Variants in EFHC1 observed in about 807,000 individuals in gnomAD.
The protein encoded by EFHC1 is EF-hand domain containing 1.
EFHC1 carries 53 observed loss-of-function variants against 69.9 expected under a neutral mutation model. The observed-to-expected ratio is 0.76, with a 90% confidence interval of 0.61 to 0.95. The LOEUF is 0.95. EFHC1 is among the 40% of genes least tolerant of loss of function. EFHC1 has a pLI of 0.00. For synonymous variants in EFHC1, 256 were observed against 278.4 expected, an observed-to-expected ratio of 0.92 and a Z score of 0.80; for missense variants, 739 against 798.7, an observed-to-expected ratio of 0.93 and a Z score of 0.90.
rs534656136 is a variant in EFHC1, at chr6:52,489,118, A to T, written c.1641-1022A>T. On this transcript the variant is annotated intron_variant, in intron 9 of 10. Transcript: ENST00000371068. Reference sequence around the variant, plus strand: ...CAGGTAAAAGAGGGAAATAAGTTAAACAGAGGCTATTTGCAACAGTGAACT... The same window carrying T: ...CAGGTAAAAGAGGGAAATAAGTTAATCAGAGGCTATTTGCAACAGTGAACT... 4.6e-5 allele frequency: 7 copies of T among 152,366 alleles called. No homozygotes were observed. In the South Asian group the frequency reaches 1.2e-3, roughly 27 times the overall value. The allele number at this position is 152,366 out of a possible 1,614,324, so 9.4% of individuals were successfully genotyped here.
intron 2 of EFHC1, among the ~76,000 whole-genome samples, chr6:52,433,819 G>C (rs544825347): frequency 6.0e-4 from 91 of 152,144 alleles, no homozygotes; most frequent in Non-Finnish European, 1.2e-3. Flanking sequence ...AGATGTGTTT[G>C]AGCTCAGACT....
At position 52,465,124 on chromosome 6, in the gene EFHC1, A is replaced by T; in HGVS notation, c.1137+9A>T. 6.2e-7 allele frequency: 1 copy of T among 1,611,964 alleles called. No individual in the cohort carries two copies. The highest frequency in any genetic ancestry group is 8.5e-7 in the Non-Finnish European group (1 of 1,179,218). ...CACCTCCAGTAAAACAGGTAATCAG[A>T]TAGTACTTCTTAGTGTGGTGAGAAA... is the stretch of plus-strand genomic sequence containing the variant. On this transcript the variant is annotated intron_variant, in intron 6 of 10. Coordinates refer to ENST00000371068, the MANE Select transcript of EFHC1 (RefSeq NM_018100.4).
chr6:52,469,583 C>G (rs759677798), intron 7 of EFHC1, 110 bp downstream of exon 7: 1 of 1,480,980 alleles, frequency 6.8e-7, no homozygotes, highest in Non-Finnish European at 9.3e-7. Context: ...TATGTGTTGA[C>G]TCAACCAACC....
chr6:52,495,020 C>T lies in EFHC1; in HGVS notation c.*2679C>T, dbSNP rs188379710. Reference sequence around the variant, plus strand: ...GTGAGTTCTTAGAACTCTTTCCAACCGGAAACTGCCCAGTGCACCACTCTC... The same window carrying T: ...GTGAGTTCTTAGAACTCTTTCCAACTGGAAACTGCCCAGTGCACCACTCTC... On this transcript the variant is annotated 3_prime_UTR_variant, in exon 11 of 11. Coordinates refer to ENST00000371068, the MANE Select transcript of EFHC1 (RefSeq NM_018100.4). 9.1e-4 allele frequency: 413 copies of T among 454,064 alleles called. 1 individual carries two copies. Among genetic ancestry groups the T allele is most frequent in the African/African-American group, 6.2e-3 (313 of 50,108 alleles). 28.1% of individuals were successfully genotyped at this position (454,064 alleles called of 1,614,324 possible). A position where few individuals can be genotyped will look rare whatever the true frequency, so the allele number is the denominator to read the frequency against.
intron 5 of EFHC1, among the ~76,000 whole-genome samples, chr6:52,456,458 T>C (rs1161831745): frequency 1.3e-5 from 2 of 152,206 alleles, no homozygotes; most frequent in African/African-American, 4.8e-5. Context: ...TGAAACTAAA[T>C]CCCTTTAAAT....
At chr6:52,467,758 G>C (rs772825929) in intron 6 of EFHC1, among the ~76,000 whole-genome samples, 3 of 152,048 alleles carry the variant, frequency 2.0e-5, no homozygotes, top group African/African-American at 7.2e-5. Context: ...TTTCTTTCCC[G>C]TACTTTCTCT....
At position 52,434,879 on chromosome 6, in the gene EFHC1, G is replaced by A. The variant is rs181538162; in HGVS notation, c.286-3425G>A. 5.9e-3 allele frequency among the ~76,000 whole-genome samples: 840 copies of A among 141,910 alleles called. 7 individuals are homozygous for A. The highest frequency in any genetic ancestry group is 0.021 in the African/African-American group (790 of 36,806). The allele number at this position is 141,910 out of a possible 152,430, so 93.1% of individuals were successfully genotyped here. On this transcript the variant is annotated intron_variant, in intron 2 of 10. Transcript: ENST00000371068. ...TTTTCGGTTAGCATATTCTTTACCT[G>A]AGACCATATATATATATATATATAC...
intron 5 of EFHC1, among the ~76,000 whole-genome samples, chr6:52,462,070 G>T (rs1191556141): frequency 1.3e-5 from 2 of 151,486 alleles, no homozygotes; most frequent in African/African-American, 4.8e-5. Context: ...TATAAGACTT[G>T]AATAATATTA....
At chr6:52,475,369 CT>C (rs1362239118) in intron 7 of EFHC1, among the ~76,000 whole-genome samples, 1 of 152,134 alleles carries the variant, frequency 6.6e-6, no homozygotes, top group Non-Finnish European at 1.5e-5. Flanking sequence ...GGAGGTCAGA[CT>C]AAGACACTGG....
At chr6:52,489,906 C>T (rs1272222726) in intron 9 of EFHC1, among the ~76,000 whole-genome samples, 2 of 152,076 alleles carry the variant, frequency 1.3e-5, no homozygotes, top group Non-Finnish European at 2.9e-5. Context: ...TAACAGATGG[C>T]AGGAAAGGAG....
At chr6:52,491,126 TAGAC>T (rs1478094013) in intron 10 of EFHC1, 1 of 152,212 alleles carries the variant, frequency 6.6e-6, no homozygotes, top group Non-Finnish European at 1.5e-5. Context: ...GGATTTTTCA[TAGAC>T]AGAAACATTA....
rs764069173 is a variant in EFHC1, at chr6:52,437,099, G to A, written c.286-1205G>A. ...ACACACGTTTTAGAGATTGTATAGC[G>A]GATTGATGATGAGGGTATGTACACA... On this transcript the variant is annotated intron_variant, in intron 2 of 10. Coordinates refer to ENST00000371068, the MANE Select transcript of EFHC1 (RefSeq NM_018100.4). Among the ~76,000 whole-genome samples, 11 of 152,196 alleles carry A rather than the reference G, an allele frequency of 7.2e-5. No homozygotes were observed. The East Asian group carries it at 7.7e-4, about 11-fold the overall frequency.
chr6:52,470,552 C>T (rs1765414945), intron 7 of EFHC1, among the ~76,000 whole-genome samples: 1 of 152,130 alleles, frequency 6.6e-6, no homozygotes, highest in Admixed American at 6.5e-5. Flanking sequence ...AATATTGTAC[C>T]CATTTTATGT....
intron 5 of EFHC1, among the ~76,000 whole-genome samples, chr6:52,456,545 A>C (rs1765048657): frequency 6.6e-6 from 1 of 152,212 alleles, no homozygotes; most frequent in African/African-American, 2.4e-5. Context: ...CCTCTTCTAT[A>C]ATTTCCCAAT....
intron 7 of EFHC1, among the ~76,000 whole-genome samples, chr6:52,478,288 G>A (rs13198621): frequency 1.3e-5 from 2 of 151,636 alleles, no homozygotes; most frequent in Admixed American, 1.3e-4. Context: ...GGTGGGAGGA[G>A]GGGGGAGGGA....
intron 5 of EFHC1, among the ~76,000 whole-genome samples, chr6:52,460,098 C>A (rs1331713886): frequency 6.6e-6 from 1 of 152,168 alleles, no homozygotes; most frequent in East Asian, 1.9e-4. Flanking sequence ...ATGTTTATGG[C>A]AGCTTTTTTT....
chr6:52,446,710 T>G (rs1395915578), intron 3 of EFHC1, among the ~76,000 whole-genome samples: 1 of 152,202 alleles, frequency 6.6e-6, no homozygotes, highest in East Asian at 1.9e-4. Flanking sequence ...GGTTGTTCCT[T>G]TCCATGTTTA....
In EFHC1 at chr6:52,438,562, C is replaced by T. The variant is rs200191497; in HGVS notation, c.544C>T (p.Arg182Cys). The change falls in exon 3 of 11, where the codon CGC becomes TGC. Residue 182 changes from arginine to cysteine, a missense_variant. Transcript: ENST00000371068. ...CATCACAATTTATGGCAAAACTTTC[C>T]GCGTTGTTGACTGTGACCAATTCAC... ...INITIYGKTF[R>C]VVDCDQFTQV... The T allele has an allele frequency of 2.7e-5, 44 of 1,613,830 alleles. No individual in the cohort carries two copies. In the Admixed American group the frequency reaches 2.8e-4, roughly 10 times the overall value.
intron 5 of EFHC1, among the ~76,000 whole-genome samples, chr6:52,464,486 A>G (rs957055750): frequency 5.9e-5 from 9 of 152,220 alleles, no homozygotes; most frequent in African/African-American, 1.9e-4. Context: ...CATGATATAG[A>G]TGGTCACTAG....
Sources: allele counts gnomAD v4.1 joint callset (sites outside exome capture counted in the v4.1 genomes callset), GRCh38; gene constraint gnomAD v4.1.1; transcripts MANE v1.5; gene names NCBI Gene and HGNC (gene_info 2026-07-23, HGNC 2026-07-21).